THSD7A: variants seen among roughly 807,000 people sequenced by gnomAD.
The protein encoded by THSD7A is thrombospondin type 1 domain containing 7A.
In THSD7A, 96 loss-of-function variants were observed where a neutral mutation model predicts 231.3. The observed-to-expected ratio is 0.41, with a 90% CI of 0.35 to 0.49. The LOEUF (loss-of-function observed/expected upper bound fraction) is 0.49. THSD7A is among the 20% of genes least tolerant of loss of function. The probability of loss-of-function intolerance (pLI) is 0.05; values close to 1 mark genes in which losing one functional copy is unlikely to be tolerated. For missense variants in THSD7A, 2,290 were observed against 2,070.2 expected (o/e 1.11, Z -2.06); for synonymous variants, 940 against 743.3 (o/e 1.26, Z -4.30).
chr7:11,407,697 T>C (rs967723979), intron 19 of THSD7A, among the ~76,000 whole-genome samples: 1 of 152,202 alleles, frequency 6.6e-6, no homozygotes, highest in Non-Finnish European at 1.5e-5. Flanking sequence ...GAAAAGTAGA[T>C]TTAACCTCCA....
intron 1 of THSD7A, among the ~76,000 whole-genome samples, chr7:11,752,876 T>G (rs1562529731): frequency 6.6e-6 from 1 of 152,076 alleles, no homozygotes; most frequent in South Asian, 2.1e-4. Flanking sequence ...CAGTGATCCA[T>G]GATCACACCA....
intron 11 of THSD7A, among the ~76,000 whole-genome samples, chr7:11,448,972 T>C (rs1752249048): frequency 6.6e-6 from 1 of 151,860 alleles, no homozygotes; most frequent in Non-Finnish European, 1.5e-5. Flanking sequence ...CAGAAACAAA[T>C]AAAAAACATT....
At position 11,474,241 on chromosome 7, in the gene THSD7A, C is replaced by T; in HGVS notation, c.2252+93G>A. ...TCTTGAGGACAGGTATGACAAGCATCAAAATGTTCCATTTCATGAAGCCAG... is the reference window on the plus strand; with the variant it reads ...TCTTGAGGACAGGTATGACAAGCATTAAAATGTTCCATTTCATGAAGCCAG... On this transcript the variant is annotated intron_variant, in intron 8 of 27. Transcript: ENST00000423059. The surrounding 1 kb of genome is among the most constrained non-coding windows in gnomAD (Gnocchi z 4.1). 1.8e-6 allele frequency: 2 copies of T among 1,085,724 alleles called. No individual in the cohort carries two copies. Among genetic ancestry groups the T allele is most frequent in the Non-Finnish European group, 2.6e-6 (2 of 755,354 alleles). The allele number at this position is 1,085,724 out of a possible 1,614,324, so 67.3% of individuals were successfully genotyped here.
chr7:11,412,766 G>C lies in THSD7A; in HGVS notation c.3572C>G (p.Ala1191Gly). Residue 1191 changes from alanine to glycine, a missense_variant, in exon 18 of 28, where the codon GCT (alanine) becomes GGT (glycine). Physicochemically the swap from Ala to Gly is moderately conservative, Grantham distance 60. Coordinates refer to ENST00000423059, the MANE Select transcript of THSD7A (RefSeq NM_015204.3). ...CNQSSFRQRS[A>G]DPIRQPADEG... ...ATCAGCTGGTTGTCTGATGGGATCA[G>C]CTGACCTTTGCCGGAAACTGCTTTG... is the stretch of plus-strand genomic sequence containing the variant. 6.2e-7 allele frequency: 1 copy of C among 1,613,280 alleles called. No individual in the cohort carries two copies. Among genetic ancestry groups the C allele is most frequent in the Non-Finnish European group, 8.5e-7 (1 of 1,179,522 alleles).
chr7:11,831,692 C>A lies in THSD7A; in HGVS notation c.190+65G>T. ...AAAAGCACCGGGGTCCCTACAGAAG[C>A]CCACCAGCTCCTTAATGTGGCCCCA... On this transcript the variant is annotated intron_variant, in intron 1 of 27. Coordinates refer to ENST00000423059, the MANE Select transcript of THSD7A (RefSeq NM_015204.3). The surrounding 1 kb of genome is among the most constrained non-coding windows in gnomAD (Gnocchi z 5.0). The A allele has an allele frequency of 4.1e-6, 5 of 1,223,720 alleles. No homozygotes were observed. The highest frequency in any genetic ancestry group is 3.1e-5 in the African/African-American group (2 of 63,816). 75.8% of individuals were successfully genotyped at this position (1,223,720 alleles called of 1,614,324 possible).
intron 1 of THSD7A, among the ~76,000 whole-genome samples, chr7:11,816,933 T>G (rs1042807964): frequency 6.6e-6 from 1 of 152,224 alleles, no homozygotes; most frequent in Non-Finnish European, 1.5e-5. Context: ...CATGTATACA[T>G]GTGTGATTAT....
At chr7:11,598,122 G>C (rs1434201075) in intron 2 of THSD7A, among the ~76,000 whole-genome samples, 2 of 152,206 alleles carry the variant, frequency 1.3e-5, no homozygotes, top group Non-Finnish European at 2.9e-5. Context: ...AGTGCACCTA[G>C]TGGTGCACTT....
rs1782124495 is a variant in THSD7A, at chr7:11,373,114, TAATTA to T, written c.*2675_*2679del. 6.6e-6 allele frequency: 1 copy of T among 151,316 alleles called. No homozygotes were observed. Among genetic ancestry groups the T allele is most frequent in the Non-Finnish European group, 1.5e-5 (1 of 67,808 alleles). 9.4% of individuals were successfully genotyped at this position (151,316 alleles called of 1,614,324 possible). ...ATGCATGCATATATGCTGTAAAATC[TAATTA>T]ATTTATGAATAAAATGTATTTTTCA... On this transcript the variant is annotated 3_prime_UTR_variant, in exon 28 of 28. Coordinates refer to ENST00000423059, the MANE Select transcript of THSD7A (RefSeq NM_015204.3).
intron 17 of THSD7A, among the ~76,000 whole-genome samples, chr7:11,416,073 A>G (rs1783949539): frequency 6.6e-6 from 1 of 152,234 alleles, no homozygotes; most frequent in East Asian, 1.9e-4. Flanking sequence ...TTAAAGAAAT[A>G]TAAAGCCCAG....
At chr7:11,617,467 G>T (rs1781146733) in intron 2 of THSD7A, among the ~76,000 whole-genome samples, 1 of 152,052 alleles carries the variant, frequency 6.6e-6, no homozygotes. Context: ...CATTCATTCA[G>T]CTTTATTGTT....
intron 23 of THSD7A, among the ~76,000 whole-genome samples, chr7:11,393,265 C>A (rs1052717832): frequency 6.6e-6 from 1 of 152,140 alleles, no homozygotes; most frequent in Non-Finnish European, 1.5e-5. Context: ...AGTGGACCTC[C>A]AGCAGACCTG....
intron 1 of THSD7A, among the ~76,000 whole-genome samples, chr7:11,758,867 C>T (rs1038462738): frequency 1.3e-5 from 2 of 151,998 alleles, no homozygotes; most frequent in African/African-American, 4.8e-5. Flanking sequence ...GGGAAAGCAG[C>T]CAAGGACAAA....
chr7:11,599,788 A>G (rs955698773), intron 2 of THSD7A, among the ~76,000 whole-genome samples: 43 of 151,872 alleles, frequency 2.8e-4, no homozygotes, highest in African/African-American at 1.0e-3. Context: ...CAAAGTATTG[A>G]TGCTGGGTGT....
At chr7:11,671,886 T>C (rs1393382070) in intron 1 of THSD7A, among the ~76,000 whole-genome samples, 1 of 152,146 alleles carries the variant, frequency 6.6e-6, no homozygotes, top group Non-Finnish European at 1.5e-5. Flanking sequence ...GGTGAGTTTA[T>C]AATAAATAAT....
At chr7:11,704,168 G>A (rs1284142820) in intron 1 of THSD7A, among the ~76,000 whole-genome samples, 1 of 150,964 alleles carries the variant, frequency 6.6e-6, no homozygotes, top group Non-Finnish European at 1.5e-5. Flanking sequence ...CAAGTTATTT[G>A]AAATTTCAAT....
chr7:11,774,303 G>A (rs1446283431), intron 1 of THSD7A, among the ~76,000 whole-genome samples: 3 of 152,158 alleles, frequency 2.0e-5, no homozygotes, highest in Non-Finnish European at 4.4e-5. Context: ...AATAGCAGCA[G>A]GCAATAGGAT....
chr7:11,465,914 A>G (rs1034811202), intron 9 of THSD7A, among the ~76,000 whole-genome samples: 3 of 152,164 alleles, frequency 2.0e-5, no homozygotes, highest in Non-Finnish European at 4.4e-5. Context: ...CTCTGTCAAA[A>G]TTTACAAAAA....
chr7:11,825,845 G>A (rs1475982076), intron 1 of THSD7A, among the ~76,000 whole-genome samples: 2 of 152,250 alleles, frequency 1.3e-5, no homozygotes, highest in African/African-American at 4.8e-5. Flanking sequence ...TCTCATTCTT[G>A]AAGTGAGAAA....
At chr7:11,680,717 A>G (rs1455169604) in intron 1 of THSD7A, among the ~76,000 whole-genome samples, 1 of 152,112 alleles carries the variant, frequency 6.6e-6, no homozygotes, top group Non-Finnish European at 1.5e-5. Context: ...GCTGGAGAGG[A>G]TGTGGAGAAA....
Sources: gnomAD v4.1 joint callset for allele counts (sites outside exome capture counted in the v4.1 genomes callset) on GRCh38, gnomAD v4.1.1 for gene constraint, Gnocchi (gnomAD v3.1) non-coding constraint, MANE v1.5 for transcripts, NCBI Gene and HGNC (gene_info 2026-07-23, HGNC 2026-07-21) for gene names.